MYO3A: variants seen among roughly 807,000 people sequenced by gnomAD.
MYO3A encodes myosin IIIA, also known as myosin-IIIa.
In MYO3A, 180 loss-of-function variants were observed where a neutral mutation model predicts 192.7. The observed-to-expected ratio is 0.93, with a 90% CI of 0.83 to 1.06. The LOEUF (loss-of-function observed/expected upper bound fraction) is 1.06. Among genes scored for constraint, MYO3A ranks in the 50% least tolerant of loss-of-function variants. MYO3A has a pLI of 0.00. For missense variants in MYO3A, 1,896 were observed against 1,905.0 expected (o/e 1.00, Z 0.09); for synonymous variants, 628 against 645.3 (o/e 0.97, Z 0.41).
intron 4 of MYO3A, among the ~76,000 whole-genome samples, chr10:25,973,407 T>C (rs974546336): frequency 2.0e-5 from 3 of 152,180 alleles, no homozygotes; most frequent in African/African-American, 7.2e-5. Context: ...TTTCTAAATA[T>C]AGAATCATGA....
intron 23 of MYO3A, 48 bp downstream of exon 23, chr10:26,147,607 A>AGG: frequency 8.1e-6 from 13 of 1,612,456 alleles, no homozygotes; most frequent in Non-Finnish European, 1.1e-5. Flanking sequence ...CCAATCAAAT[A>AGG]GTTTCTATCT....
Position 26,158,264 on chromosome 10 carries a change from T to A in MYO3A, c.2999+749T>A, listed in dbSNP as rs548051573. On this transcript the variant is annotated intron_variant, in intron 26 of 34. Transcript: ENST00000642920. ...GGAATGTTTTATTTTATTTTTTTTTTTTTTTTGAGACGGAGTCTGGCTCTG... is the reference window on the plus strand; with the variant it reads ...GGAATGTTTTATTTTATTTTTTTTTATTTTTTGAGACGGAGTCTGGCTCTG... Among the ~76,000 whole-genome samples the A allele has an allele frequency of 4.9e-3, 747 of 152,114 alleles. 2 individuals carry two copies. Among genetic ancestry groups the A allele is most frequent in the Non-Finnish European group, 6.5e-3 (443 of 67,962 alleles).
intron 10 of MYO3A, among the ~76,000 whole-genome samples, chr10:26,050,139 A>T (rs1843903798): frequency 6.6e-6 from 1 of 152,038 alleles, no homozygotes; most frequent in African/African-American, 2.4e-5. Context: ...AAAGATTACA[A>T]AAATTTATAT....
chr10:26,041,726 G>A lies in MYO3A; in HGVS notation c.953+15194G>A, dbSNP rs138818232. Among the ~76,000 whole-genome samples, 790 of 152,020 alleles carry A rather than the reference G, an allele frequency of 5.2e-3. 6 individuals carry two copies. The highest frequency in any genetic ancestry group is 0.018 in the African/African-American group (741 of 41,512). On this transcript the variant is annotated intron_variant, in intron 10 of 34. Transcript: ENST00000642920. ...AAATGAAAACTAATTAAACTCTACCGCTTTGCTTCATTATTCTGCTTTTTA... is the reference window on the plus strand; with the variant it reads ...AAATGAAAACTAATTAAACTCTACCACTTTGCTTCATTATTCTGCTTTTTA...
intron 15 of MYO3A, among the ~76,000 whole-genome samples, chr10:26,091,271 C>T (rs762573233): frequency 3.9e-5 from 6 of 152,172 alleles, no homozygotes; most frequent in Non-Finnish European, 7.3e-5. Flanking sequence ...CTGGCGATGT[C>T]ATCCCAGCTC....
chr10:26,092,238 C>T (rs192130687), intron 15 of MYO3A, among the ~76,000 whole-genome samples: 27 of 152,254 alleles, frequency 1.8e-4, no homozygotes, highest in African/African-American at 5.5e-4. Context: ...GAGGCCGAGG[C>T]GGGTGGATCA....
chr10:25,976,864 C>T (rs1188401585), intron 4 of MYO3A, among the ~76,000 whole-genome samples: 1 of 152,076 alleles, frequency 6.6e-6, no homozygotes, highest in African/African-American at 2.4e-5. Context: ...ATAATTCATT[C>T]ACCTGGATGC....
chr10:26,021,683 C>G, intron 8 of MYO3A, 35 bp downstream of exon 8: 1 of 1,612,384 alleles, frequency 6.2e-7, no homozygotes, highest in Non-Finnish European at 8.5e-7. Context: ...GTATCTGCAG[C>G]CCGATTTACT....
intron 17 of MYO3A, among the ~76,000 whole-genome samples, chr10:26,097,236 C>G (rs1446454954): frequency 6.6e-6 from 1 of 152,046 alleles, no homozygotes; most frequent in East Asian, 1.9e-4. Context: ...CACTATAAAT[C>G]TGCTTTTTCT....
intron 7 of MYO3A, among the ~76,000 whole-genome samples, chr10:26,021,171 A>G (rs1842280466): frequency 6.6e-6 from 1 of 152,092 alleles, no homozygotes; most frequent in Non-Finnish European, 1.5e-5. Flanking sequence ...AGTGACTACC[A>G]CTGCCCAATC....
At chr10:26,095,769 A>T (rs1049336199) in intron 15 of MYO3A, among the ~76,000 whole-genome samples, 2 of 152,226 alleles carry the variant, frequency 1.3e-5, no homozygotes, top group Non-Finnish European at 2.9e-5. Flanking sequence ...GGGATTTGAG[A>T]CTTATAAGAA....
intron 32 of MYO3A, among the ~76,000 whole-genome samples, chr10:26,197,813 G>A (rs545562855): frequency 5.9e-5 from 9 of 152,264 alleles, no homozygotes; most frequent in South Asian, 2.1e-4. Flanking sequence ...TGATCTGCCC[G>A]TCTTGGCCTC....
intron 14 of MYO3A, among the ~76,000 whole-genome samples, chr10:26,075,726 G>A (rs148797243): frequency 7.8e-6 from 1 of 128,764 alleles, no homozygotes; most frequent in Non-Finnish European, 1.6e-5. Flanking sequence ...ATATATATAT[G>A]ATATATATGT....
intron 4 of MYO3A, among the ~76,000 whole-genome samples, chr10:25,985,756 A>G (rs1323248151): frequency 1.3e-5 from 2 of 152,228 alleles, no homozygotes; most frequent in Admixed American, 6.5e-5. Context: ...GCTGAATTCT[A>G]TCAGACATTC....
rs181721929 is a variant in MYO3A at position 26,105,325 on chromosome 10, C to G, written c.1776+8643C>G. ...GTTCTGTAGCACTTCACATTTCCAC[C>G]AACAATACATATTAATACCCTTCCC... On this transcript the variant is annotated intron_variant, in intron 17 of 34. Transcript: ENST00000642920. 3.6e-3 allele frequency among the ~76,000 whole-genome samples: 553 copies of G among 152,214 alleles called. 3 individuals carry two copies. Among genetic ancestry groups the G allele is most frequent in the Non-Finnish European group, 5.9e-3 (404 of 67,964 alleles).
chr10:25,943,768 TTGTGTGTGTGTGTGTG>T (rs58905708), intron 2 of MYO3A, among the ~76,000 whole-genome samples: 11 of 142,588 alleles, frequency 7.7e-5, no homozygotes, highest in African/African-American at 1.8e-4. Context: ...GTTCTAACAT[TTGTGTGTGTGTGTGTG>T]TGTGTGTGTG....
chr10:26,012,587 T>C (rs1164838489), intron 6 of MYO3A, among the ~76,000 whole-genome samples: 4 of 152,044 alleles, frequency 2.6e-5, no homozygotes, highest in African/African-American at 4.8e-5. Flanking sequence ...AAAGAAATCA[T>C]AGGTGACACA....
At chr10:26,136,133 C>T (rs1839835519) in intron 20 of MYO3A, among the ~76,000 whole-genome samples, 1 of 152,130 alleles carries the variant, frequency 6.6e-6, no homozygotes, top group South Asian at 2.1e-4. Flanking sequence ...GACAGCATCA[C>T]AAACCCAGGT....
chr10:26,061,158 T>C (rs61849334), intron 10 of MYO3A, among the ~76,000 whole-genome samples: 71,520 of 151,570 alleles, frequency 0.47, 17,677 homozygotes, highest in Middle Eastern at 0.59. Context: ...CTCGATCTCC[T>C]GACCTCATGA....
Sources: gnomAD v4.1 joint callset for allele counts (sites outside exome capture counted in the v4.1 genomes callset) on GRCh38, gnomAD v4.1.1 for gene constraint, MANE v1.5 for transcripts, NCBI Gene and HGNC (gene_info 2026-07-23, HGNC 2026-07-21) for gene names.